Variants in PAK3 observed in about 807,000 individuals in gnomAD.
PAK3 encodes p21 (RAC1) activated kinase 3.
Under a neutral mutation model 41.0 loss-of-function variants are expected in PAK3, and 4 were observed. The observed-to-expected ratio is 0.10, with a 90% confidence interval of 0.05 to 0.22. PAK3 has a LOEUF of 0.22. PAK3 is among the 10% of genes least tolerant of loss of function. The pLI is 1.00. For synonymous variants in PAK3, 146 were observed against 139.6 expected, an observed-to-expected ratio of 1.05 and a Z score of -0.32; for missense variants, 205 against 409.9, an observed-to-expected ratio of 0.50 and a Z score of 4.32.
intron 1 of PAK3, among the ~76,000 whole-genome samples, chrX:111,073,660 G>T (rs1246651962): frequency 1.8e-5 from 2 of 111,612 alleles, no homozygotes; most frequent in Non-Finnish European, 3.8e-5. Context: ...AAATCATGAA[G>T]AAATAGAAAA....
At chrX:110,979,122 T>G (rs934882043) in intron 1 of PAK3, among the ~76,000 whole-genome samples, 2 of 110,921 alleles carry the variant, frequency 1.8e-5, no homozygotes, top group Non-Finnish European at 3.8e-5. Flanking sequence ...TTGCTTGTAC[T>G]ACTCCATTTT....
intron 5 of PAK3, among the ~76,000 whole-genome samples, chrX:111,134,198 A>G (rs912286057): frequency 1.8e-5 from 2 of 111,871 alleles, no homozygotes; most frequent in African/African-American, 3.2e-5. Flanking sequence ...ATGCCCAGCT[A>G]TGTTACCATA....
At chrX:111,091,558 G>T (rs1458835857), upstream of PAK3, among the ~76,000 whole-genome samples, 1 of 111,828 alleles carries the variant, frequency 8.9e-6, no homozygotes, top group Non-Finnish European at 1.9e-5. Context: ...CCAAGAGAAT[G>T]GTAACTTCCC....
Position 111,173,041 on chromosome X carries a change from C to T in PAK3, c.790C>T (p.Pro264Ser). ...AGGAAGCATTGTGAGTGTTGGGGAC[C>T]CAAAGAAAAAATACACAAGATTTGA... is the stretch of plus-strand genomic sequence containing the variant. ...KLRSIVSVGD[P>S]KKKYTRFEKI... Residue 264 changes from proline (P) to serine (S), a missense_variant, in exon 11 of 18, where the codon CCA becomes TCA. Pro to Ser is a moderately conservative substitution (Grantham distance 74). Transcript: ENST00000372007. 4 of 1,145,430 alleles carry T rather than the reference C, an allele frequency of 3.5e-6. No individual in the cohort carries two copies. The South Asian group carries it at 7.3e-5, about 21-fold the overall frequency. The allele number at this position is 1,145,430 out of a possible 1,213,427, so 94.4% of individuals were successfully genotyped here. A position where few individuals can be genotyped will look rare whatever the true frequency, so the allele number is the denominator to read the frequency against.
chrX:111,185,324 A>G (rs1219636819), intron 11 of PAK3, among the ~76,000 whole-genome samples: 1 of 110,802 alleles, frequency 9.0e-6, no homozygotes, highest in Non-Finnish European at 1.9e-5. Context: ...GATTGCAAAA[A>G]TTTTCTTCCA....
chrX:111,151,764 A>T (rs752355544), intron 7 of PAK3, among the ~76,000 whole-genome samples: 3 of 112,091 alleles, frequency 2.7e-5, no homozygotes, highest in Non-Finnish European at 5.6e-5. Flanking sequence ...ATATGCCAGC[A>T]TCACTACTTT....
rs185608458 is a variant in PAK3, at chrX:111,105,410, C to T, written c.-28+2104C>T. Among the ~76,000 whole-genome samples the T allele has an allele frequency of 1.2e-3, 136 of 111,689 alleles. No homozygotes were observed. The Middle Eastern group carries it at 0.019, about 15-fold the overall frequency. On this transcript the variant is annotated intron_variant, in intron 4 of 17. Transcript: ENST00000372007. ...TACATTGACATTCCCCCTGCACACACTCCAACTGTTTCTTATACTCACAGC... is the reference window on the plus strand; with the variant it reads ...TACATTGACATTCCCCCTGCACACATTCCAACTGTTTCTTATACTCACAGC...
intron 1 of PAK3, among the ~76,000 whole-genome samples, chrX:111,003,999 C>G (rs1285053694): frequency 1.8e-5 from 2 of 112,106 alleles, no homozygotes; most frequent in Admixed American, 9.5e-5. Context: ...CATACCTGTG[C>G]TATATCATAT....
At chrX:111,067,190 A>T (rs1295862884) in intron 1 of PAK3, among the ~76,000 whole-genome samples, 2 of 111,873 alleles carry the variant, frequency 1.8e-5, no homozygotes, top group Non-Finnish European at 3.8e-5. Flanking sequence ...TGGTTAGGAC[A>T]TCACCATGTT....
At position 111,142,121 on chromosome X, in the gene PAK3, C is replaced by T. The variant is rs755870978; in HGVS notation, c.201C>T (p.Arg67=). The change falls in exon 6 of 18, where the codon CGC becomes CGT. Residue 67 remains arginine, a synonymous_variant. Transcript: ENST00000372007. ...CCAATAAGAAGAAGGAGAAAGAGCG[C>T]CCAGAGATCTCTCTTCCTTCAGACT... ...DKTNKKKEKE[R]PEISLPSDFE... The T allele has an allele frequency of 8.4e-7, 1 of 1,193,137 alleles. No homozygotes were observed. Among genetic ancestry groups the T allele is most frequent in the Non-Finnish European group, 1.1e-6 (1 of 878,466 alleles).
At chrX:110,971,373 G>C (rs1057476077) in intron 1 of PAK3, among the ~76,000 whole-genome samples, 3 of 111,911 alleles carry the variant, frequency 2.7e-5, no homozygotes, top group African/African-American at 9.7e-5. Context: ...CTTTCACTTA[G>C]CATAATGTTT....
chrX:111,122,947 C>T (rs1001238953), intron 4 of PAK3, 130 bp from the exon 5 acceptor site: 40 of 516,919 alleles, frequency 7.7e-5, no homozygotes, highest in Non-Finnish European at 1.3e-4. Context: ...CCCCTAAAAA[C>T]GATCCTCACA....
rs930024778 is a variant in PAK3 at position 111,047,764 on chromosome X, C to T, written c.-27-75313C>T. ...GAGCAGGGGAATTGCATCATTCAAA[C>T]TTCCCTTTTGGAAGTCACTCTGACA... On this transcript the variant is annotated intron_variant, in intron 1 of 14. Transcript: ENST00000425146. 6.3e-5 allele frequency among the ~76,000 whole-genome samples: 7 copies of T among 111,678 alleles called. No homozygotes were observed. In the Admixed American group the frequency reaches 6.6e-4, roughly 11 times the overall value.
intron 1 of PAK3, among the ~76,000 whole-genome samples, chrX:110,982,995 A>G: frequency 9.0e-6 from 1 of 111,021 alleles, no homozygotes; most frequent in Middle Eastern, 4.6e-3. Context: ...ATGTCTAAAA[A>G]GGCAGTGGGT....
At chrX:110,964,899 C>T (rs1382678580) in intron 1 of PAK3, among the ~76,000 whole-genome samples, 1 of 111,294 alleles carries the variant, frequency 9.0e-6, no homozygotes, top group Non-Finnish European at 1.9e-5. Flanking sequence ...GGCTGGCTGG[C>T]TGGTTGGCGT....
At chrX:111,208,608 CT>C (rs2094782277) in intron 16 of PAK3, among the ~76,000 whole-genome samples, 1 of 112,335 alleles carries the variant, frequency 8.9e-6, no homozygotes, top group East Asian at 2.8e-4. Flanking sequence ...GATTTATAGC[CT>C]AGGAGCAATA....
chrX:111,053,256 G>C (rs1398818165), intron 1 of PAK3, among the ~76,000 whole-genome samples: 1 of 110,486 alleles, frequency 9.1e-6, no homozygotes, highest in Non-Finnish European at 1.9e-5. Flanking sequence ...GGGTGAAAGT[G>C]GGGGCCACAG....
intron 1 of PAK3, among the ~76,000 whole-genome samples, chrX:110,984,036 ATC>A (rs1265545672): frequency 1.8e-4 from 20 of 111,476 alleles, no homozygotes; most frequent in Admixed American, 4.8e-4. Flanking sequence ...AGCCACCATC[ATC>A]TCTTTCCCAA....
In PAK3 at chrX:111,163,615, A is replaced by G. The variant is rs1389552965; in HGVS notation, c.654A>G (p.Lys218=). The G allele has an allele frequency of 3.3e-6, 4 of 1,198,262 alleles. No individual in the cohort carries two copies. Among genetic ancestry groups the G allele is most frequent in the Non-Finnish European group, 4.5e-6 (4 of 883,234 alleles). Reference sequence around the variant, plus strand: ...TTGCTTCACCAGCAGTACCAAATAAAGAGGTCACACCACCCTCTGCTGAAA... The same window carrying G: ...TTGCTTCACCAGCAGTACCAAATAAGGAGGTCACACCACCCTCTGCTGAAA... ...ESIASPAVPN[K]EVTPPSAENA... Residue 218 remains lysine (K), a synonymous_variant, in exon 10 of 18, where the codon AAA becomes AAG. Coordinates refer to ENST00000372007, the MANE Select transcript of PAK3 (RefSeq NM_002578.5).
Sources: allele counts gnomAD v4.1 joint callset (sites outside exome capture counted in the v4.1 genomes callset), GRCh38; gene constraint gnomAD v4.1.1; transcripts MANE v1.5; gene names NCBI Gene and HGNC (gene_info 2026-07-23, HGNC 2026-07-21).